The following URGCP variants were observed in gnomAD, a reference collection of about 807,000 sequenced individuals.
The protein encoded by URGCP is up-regulator of cell proliferation.
Under a neutral mutation model 24.6 loss-of-function variants are expected in URGCP, and 13 were observed. The observed-to-expected ratio is 0.53, with a 90% CI of 0.34 to 0.84. The LOEUF (loss-of-function observed/expected upper bound fraction) is 0.84. Ranked by LOEUF, URGCP falls within the 40% of genes least tolerant of loss-of-function variation. URGCP has a pLI of 0.01. For synonymous variants in URGCP, 444 were observed against 487.2 expected (o/e 0.91, Z 1.17); for missense variants, 899 against 1,194.3 (o/e 0.75, Z 3.64).
chr7:43,902,851 T>A (rs2095893964), intron 1 of URGCP, among the ~76,000 whole-genome samples: 1 of 152,188 alleles, frequency 6.6e-6, no homozygotes, highest in South Asian at 2.1e-4. Flanking sequence ...AAGCAGGCCC[T>A]CTGCTCAAGC....
At chr7:43,918,637 G>A (rs758117284) in intron 1 of URGCP, 2 of 587,724 alleles carry the variant, frequency 3.4e-6, no homozygotes, top group South Asian at 2.1e-5. Flanking sequence ...GATATCTGGG[G>A]GGCTGGCACG....
intron 1 of URGCP, among the ~76,000 whole-genome samples, chr7:43,896,827 AT>A (rs1402905101): frequency 3.8e-4 from 58 of 152,344 alleles, no homozygotes; most frequent in African/African-American, 1.3e-3. Flanking sequence ...ACTTACATAC[AT>A]CTTAAGCAAA....
chr7:43,921,638 C>G (rs1241353431), intron 1 of URGCP, among the ~76,000 whole-genome samples: 1 of 152,158 alleles, frequency 6.6e-6, no homozygotes, highest in African/African-American at 2.4e-5. Flanking sequence ...TGGCAAGGGA[C>G]TCGGTAAGGC....
rs145288320 is a variant in URGCP, at chr7:43,884,290, C to T, written c.113-2333G>A. ...GCAGGTGGAAGAGGAAGCAGCAGGG[C>T]TCCAGGCAAAGACACAAAACAGCAA... is the stretch of plus-strand genomic sequence containing the variant. On this transcript the variant is annotated intron_variant, in intron 3 of 5. Coordinates refer to ENST00000453200, the MANE Select transcript of URGCP (RefSeq NM_001077663.3). Among the ~76,000 whole-genome samples, 641 of 152,250 alleles carry T rather than the reference C, an allele frequency of 4.2e-3. 3 individuals are homozygous for T. The highest frequency in any genetic ancestry group is 0.01 in the Middle Eastern group (3 of 294).
upstream of URGCP, chr7:43,906,625 C>A: frequency 8.5e-7 from 1 of 1,171,628 alleles, no homozygotes; most frequent in Non-Finnish European, 1.1e-6. Context: ...TCCGCGCGGC[C>A]GCGGCTCGGC....
At chr7:43,918,720 C>T in intron 1 of URGCP, 1 of 729,432 alleles carries the variant, frequency 1.4e-6, no homozygotes, top group Non-Finnish European at 2.5e-6. Flanking sequence ...TCATCACCCA[C>T]AATTGGGCCA....
In URGCP at chr7:43,878,966, G is replaced by A. The variant is rs761672649; in HGVS notation, c.497C>T (p.Ala166Val). 1 of 1,614,222 alleles carries A rather than the reference G, an allele frequency of 6.2e-7. No homozygotes were observed. The highest frequency in any genetic ancestry group is 1.7e-5 in the Admixed American group (1 of 60,032). Residue 166 changes from alanine (A) to valine (V), a missense_variant, in exon 6 of 6, where the codon GCC (alanine) becomes GTC (valine). Transcript: ENST00000453200. This position sits in a 1 kb window ranked among gnomAD's most constrained non-coding sequence, Gnocchi z 5.6. The stretch of plus-strand genomic sequence containing the variant: ...CAGCTCAGAAAAGGAATAAATGTCG[G>A]CAGCAAGGTCATCAGCTGGGTCCCA... Reference protein sequence around the residue: ...IYWDPADDLAADIYSFSELPT... With the variant: ...IYWDPADDLAVDIYSFSELPT...
chr7:43,894,859 A>C (rs1051673482), intron 1 of URGCP, among the ~76,000 whole-genome samples: 1 of 152,144 alleles, frequency 6.6e-6, no homozygotes, highest in Admixed American at 6.6e-5. Context: ...AGGAGACTTC[A>C]TCTCTACAAA....
chr7:43,880,032 T>C (rs188780605), intron 5 of URGCP, among the ~76,000 whole-genome samples: 18 of 151,704 alleles, frequency 1.2e-4, no homozygotes, highest in African/African-American at 4.4e-4. Context: ...CAAGAGATCC[T>C]CCCACCTCTG....
intron 1 of URGCP, chr7:43,919,408 C>A: frequency 1.1e-6 from 1 of 876,738 alleles, no homozygotes; most frequent in Non-Finnish European, 2.0e-6. Context: ...ACCATCATCT[C>A]GGCCAGCACC....
intron 5 of URGCP, chr7:43,881,335 C>G: frequency 1.5e-6 from 1 of 667,770 alleles, no homozygotes; most frequent in Non-Finnish European, 2.7e-6. Flanking sequence ...ACATTAGAAT[C>G]AATCACTTCA....
chr7:43,918,290 A>G (rs940512199), intron 1 of URGCP, among the ~76,000 whole-genome samples: 1 of 151,816 alleles, frequency 6.6e-6, no homozygotes, highest in African/African-American at 2.4e-5. Flanking sequence ...AAGAAAGAAA[A>G]AAAGGATTTC....
chr7:43,896,759 A>AATT (rs2095879152), intron 1 of URGCP, among the ~76,000 whole-genome samples: 1 of 152,206 alleles, frequency 6.6e-6, no homozygotes, highest in Non-Finnish European at 1.5e-5. Flanking sequence ...TAACCTATAA[A>AATT]ATGAGGCTGA....
chr7:43,879,123 A>G lies in URGCP; in HGVS notation c.340T>C (p.Leu114=). 1 of 1,614,202 alleles carries G rather than the reference A, an allele frequency of 6.2e-7. No homozygotes were observed. The highest frequency in any genetic ancestry group is 8.5e-7 in the Non-Finnish European group (1 of 1,180,040). ...AACTTCCTGAGGAAATTCCAGGGCA[A>G]GTCTTTGGGAACCTGAGGGGCCCAG... ...KNWAPQVPKD[L]PWNFLRKLQA... Residue 114 remains leucine, a synonymous_variant, in exon 6 of 6, where the codon TTG becomes CTG. Coordinates refer to ENST00000453200, the MANE Select transcript of URGCP (RefSeq NM_001077663.3).
chr7:43,887,518 A>G, intron 2 of URGCP, 33 bp from the exon 3 acceptor site: 1 of 1,610,472 alleles, frequency 6.2e-7, no homozygotes, highest in Middle Eastern at 1.7e-4. Context: ...TTATAATTAA[A>G]AAAATGGAAT....
At chr7:43,909,253 A>C (rs182498428), upstream of URGCP, among the ~76,000 whole-genome samples, 216 of 152,292 alleles carry the variant, frequency 1.4e-3, 1 homozygote, top group African/African-American at 5.1e-3. Flanking sequence ...ACACATACAC[A>C]CATATGTATA....
Position 43,876,682 on chromosome 7 carries a change from C to A in URGCP, c.2781G>T (p.Leu927=), listed in dbSNP as rs573037459. The change falls in exon 6 of 6, where the codon CTG becomes CTT. Residue 927 remains leucine, a synonymous_variant. Coordinates refer to ENST00000453200, the MANE Select transcript of URGCP (RefSeq NM_001077663.3). Reference sequence around the variant, plus strand: ...CTCTGCACACTCACAGCCGTCTCACCAGCTCAATGAGCTGCTGGATGTTTT... The same window carrying A: ...CTCTGCACACTCACAGCCGTCTCACAAGCTCAATGAGCTGCTGGATGTTTT... ...QNKNIQQLIE[L]VRRL is the part of the protein sequence containing the mutation. 7.8e-5 allele frequency: 126 copies of A among 1,614,066 alleles called. 2 individuals are homozygous for A. The South Asian group carries it at 1.4e-3, about 17-fold the overall frequency.
intron 1 of URGCP, among the ~76,000 whole-genome samples, chr7:43,902,492 T>C (rs1276483053): frequency 1.3e-5 from 2 of 152,156 alleles, no homozygotes; most frequent in African/African-American, 4.8e-5. Flanking sequence ...AGGGACCATA[T>C]TTTCTGAAAC....
rs144106376 is a variant in URGCP at position 43,878,677 on chromosome 7, G to C, written c.786C>G (p.Ala262=). 3.1e-6 allele frequency: 5 copies of C among 1,613,686 alleles called. No homozygotes were observed. In the East Asian group the frequency reaches 1.1e-4, roughly 36 times the overall value. ...EDSVVLSRAP[A]FAFVRMDVSS... ...TGACGTCCATGCGCACGAAGGCGAA[G>C]GCGGGCGCCCTGGACAAGACCACGC... The change falls in exon 6 of 6, where the codon GCC becomes GCG. Residue 262 remains alanine (A), a synonymous_variant. Coordinates refer to ENST00000453200, the MANE Select transcript of URGCP (RefSeq NM_001077663.3). The surrounding 1 kb of genome is among the most constrained non-coding windows in gnomAD (Gnocchi z 5.6).
Sources: allele counts gnomAD v4.1 joint callset (sites outside exome capture counted in the v4.1 genomes callset), GRCh38; gene constraint gnomAD v4.1.1; non-coding constraint Gnocchi (gnomAD v3.1); transcripts MANE v1.5; gene names NCBI Gene and HGNC (gene_info 2026-07-23, HGNC 2026-07-21).